Variants in SNX30 observed in about 807,000 individuals in gnomAD.
The protein encoded by SNX30 is sorting nexin-30.
In SNX30, 24 loss-of-function variants were observed where a neutral mutation model predicts 46.4. That is an observed-to-expected ratio of 0.52 (90% CI 0.37 to 0.73). The LOEUF (loss-of-function observed/expected upper bound fraction) is 0.73. Among genes scored for constraint, SNX30 ranks in the 30% least tolerant of loss-of-function variants. SNX30 has a pLI of 0.00. For missense variants in SNX30, 533 were observed against 555.7 expected (o/e 0.96, Z 0.41); for synonymous variants, 189 against 211.5 (o/e 0.89, Z 0.92).
At chr9:112,810,918 A>G (rs567232403) in intron 2 of SNX30, among the ~76,000 whole-genome samples, 3 of 151,942 alleles carry the variant, frequency 2.0e-5, no homozygotes, top group African/African-American at 4.8e-5. Flanking sequence ...AACGAGGAGC[A>G]TGTCAGCAGC....
intron 6 of SNX30, among the ~76,000 whole-genome samples, chr9:112,849,744 G>GAT (rs1840994988): frequency 6.6e-6 from 1 of 152,218 alleles, no homozygotes; most frequent in Admixed American, 6.5e-5. Context: ...CACAGGCAGG[G>GAT]ATATGGGGTG....
Position 112,871,548 on chromosome 9 carries a change from CTCTCT to C in SNX30, c.*2707_*2711del, listed in dbSNP as rs1841445534. The C allele has an allele frequency of 1.3e-5, 2 of 151,998 alleles. No individual in the cohort carries two copies. Among genetic ancestry groups the C allele is most frequent in the Non-Finnish European group, 2.9e-5 (2 of 68,008 alleles). 9.4% of individuals were successfully genotyped at this position (151,998 alleles called of 1,614,324 possible). A position where few individuals can be genotyped will look rare whatever the true frequency, so the allele number is the denominator to read the frequency against. On this transcript the variant is annotated 3_prime_UTR_variant, in exon 9 of 9. Transcript: ENST00000374232. Reference sequence around the variant, plus strand: ...AATTGTGGCCCTGAGATCAGTACTCCTCTCTTAAGTATTTATTATTATTATTATTT... The same window carrying C: ...AATTGTGGCCCTGAGATCAGTACTCCTAAGTATTTATTATTATTATTATTT...
chr9:112,764,826 C>T (rs780243575), intron 1 of SNX30, among the ~76,000 whole-genome samples: 1 of 152,180 alleles, frequency 6.6e-6, no homozygotes, highest in Non-Finnish European at 1.5e-5. Flanking sequence ...CTTGCTTTAA[C>T]GTAGGAGTAA....
chr9:112,841,600 G>A (rs1840860423), intron 6 of SNX30, among the ~76,000 whole-genome samples: 2 of 152,144 alleles, frequency 1.3e-5, no homozygotes, highest in Admixed American at 6.5e-5. Context: ...AAGAAACAGG[G>A]CCACTGCTCC....
At chr9:112,783,600 C>G (rs1000138020) in intron 1 of SNX30, among the ~76,000 whole-genome samples, 4 of 152,176 alleles carry the variant, frequency 2.6e-5, no homozygotes, top group Non-Finnish European at 5.9e-5. Flanking sequence ...AACTCATAGT[C>G]CAGGTTCCCG....
intron 2 of SNX30, among the ~76,000 whole-genome samples, chr9:112,817,401 C>CCTTTTTTTTTT (rs1840414195): frequency 4.3e-5 from 2 of 46,832 alleles, no homozygotes; most frequent in African/African-American, 1.9e-4. Context: ...AAAAAACTGG[C>CCTTTTTTTTTT]TTTTTTTTTT....
At chr9:112,750,100 T>C (rs1839240239), upstream of SNX30, among the ~76,000 whole-genome samples, 1 of 152,226 alleles carries the variant, frequency 6.6e-6, no homozygotes, top group Non-Finnish European at 1.5e-5. Flanking sequence ...AAAAGTCTCT[T>C]CGGCCAAAGT....
At chr9:112,864,993 A>G (rs1841297052) in intron 8 of SNX30, among the ~76,000 whole-genome samples, 2 of 62,080 alleles carry the variant, frequency 3.2e-5, no homozygotes, top group South Asian at 1.7e-3. Context: ...GCGCGTGCAC[A>G]CACACACACA....
At chr9:112,838,974 A>G (rs1840813530) in intron 6 of SNX30, among the ~76,000 whole-genome samples, 1 of 152,256 alleles carries the variant, frequency 6.6e-6, no homozygotes, top group Admixed American at 6.5e-5. Flanking sequence ...CAAAGATGCC[A>G]TGGAAAAGTA....
At chr9:112,807,040 TTTC>T (rs899144768) in intron 2 of SNX30, among the ~76,000 whole-genome samples, 114 of 148,122 alleles carry the variant, frequency 7.7e-4, no homozygotes, top group African/African-American at 2.5e-3. Context: ...TACTCTGTCT[TTTC>T]TTTTCTATCT....
intron 2 of SNX30, among the ~76,000 whole-genome samples, 154 bp from the exon 3 acceptor site, chr9:112,817,551 T>C (rs780275416): frequency 6.6e-6 from 1 of 151,964 alleles, no homozygotes; most frequent in Non-Finnish European, 1.5e-5. Flanking sequence ...ACTGGTCTAT[T>C]CTGTGTTGGT....
At chr9:112,805,514 G>A (rs779057212) in intron 2 of SNX30, among the ~76,000 whole-genome samples, 11 of 152,128 alleles carry the variant, frequency 7.2e-5, no homozygotes, top group Non-Finnish European at 1.6e-4. Flanking sequence ...TGTTGCCCAG[G>A]CTGGAGTGCA....
chr9:112,777,071 G>A (rs191555363), intron 1 of SNX30, among the ~76,000 whole-genome samples: 9 of 152,160 alleles, frequency 5.9e-5, no homozygotes, highest in Non-Finnish European at 5.9e-5. Flanking sequence ...CCCAGATTTA[G>A]CATTTCCCAC....
At chr9:112,831,509 C>T (rs1054524824) in intron 4 of SNX30, among the ~76,000 whole-genome samples, 3 of 152,128 alleles carry the variant, frequency 2.0e-5, no homozygotes, top group East Asian at 1.9e-4. Context: ...TTCTTAAGGG[C>T]GCTTTGAGTG....
chr9:112,837,469 TTTTTTGG>T (rs1487952056), intron 5 of SNX30, among the ~76,000 whole-genome samples: 2 of 151,406 alleles, frequency 1.3e-5, no homozygotes, highest in Non-Finnish European at 3.0e-5. Context: ...TTGTTTTTCG[TTTTTTGG>T]TTTTTGGTTT....
chr9:112,752,721 GAATT>G (rs571855468), intron 1 of SNX30, among the ~76,000 whole-genome samples: 51 of 152,324 alleles, frequency 3.3e-4, no homozygotes, highest in African/African-American at 1.2e-3. Context: ...GTGGGACACT[GAATT>G]AATTATCTAT....
At chr9:112,762,067 A>G (rs1439158116) in intron 1 of SNX30, among the ~76,000 whole-genome samples, 4 of 152,192 alleles carry the variant, frequency 2.6e-5, no homozygotes, top group African/African-American at 4.8e-5. Context: ...TACATAAACA[A>G]CAGCCTGGCC....
intron 1 of SNX30, among the ~76,000 whole-genome samples, chr9:112,781,483 A>G (rs2131376077): frequency 6.6e-6 from 1 of 152,296 alleles, no homozygotes; most frequent in South Asian, 2.1e-4. Context: ...GTTGGGGTTT[A>G]GAAAGCCTTT....
chr9:112,760,480 T>C (rs1331127197), intron 1 of SNX30, among the ~76,000 whole-genome samples: 2 of 152,194 alleles, frequency 1.3e-5, no homozygotes, highest in Non-Finnish European at 2.9e-5. Context: ...TCCTGAGATT[T>C]ATGAGATGGA....
Sources: allele counts gnomAD v4.1 joint callset (sites outside exome capture counted in the v4.1 genomes callset), GRCh38; gene constraint gnomAD v4.1.1; transcripts MANE v1.5; gene names NCBI Gene and HGNC (gene_info 2026-07-23, HGNC 2026-07-21).